Variants in FOXJ3 observed in about 807,000 individuals in gnomAD.
FOXJ3 encodes the protein forkhead box J3, also known as forkhead box protein J3.
In FOXJ3, 22 loss-of-function variants were observed where a neutral mutation model predicts 76.1. The ratio of observed to expected loss-of-function variants is 0.29; its 90% confidence interval spans 0.21 to 0.41. The LOEUF (loss-of-function observed/expected upper bound fraction) is 0.41. Ranked by LOEUF, FOXJ3 falls within the 10% of genes least tolerant of loss-of-function variation. The pLI, the probability that FOXJ3 is intolerant of heterozygous loss-of-function variation, is 1.00. For synonymous variants in FOXJ3, 269 were observed against 261.2 expected (o/e 1.03, Z -0.29); for missense variants, 613 against 762.1 (o/e 0.80, Z 2.30).
chr1:42,237,625 C>A (rs1370590754), intron 4 of FOXJ3, among the ~76,000 whole-genome samples: 1 of 151,468 alleles, frequency 6.6e-6, no homozygotes, highest in Admixed American at 6.6e-5. Context: ...AAAAGCTTTT[C>A]ATTCAATAAA....
In FOXJ3 at chr1:42,179,425, G is replaced by A. The variant is rs1646274065; in HGVS notation, c.*285C>T. 1 of 211,184 alleles carries A rather than the reference G, an allele frequency of 4.7e-6. No individual in the cohort carries two copies. Among genetic ancestry groups the A allele is most frequent in the Non-Finnish European group, 9.4e-6 (1 of 105,898 alleles). The allele number at this position is 211,184 out of a possible 1,614,324, so 13.1% of individuals were successfully genotyped here. ...TCTGAAAAATCAGTCTGGCACTTGT[G>A]GTTAACATCAAACTGACACAAATAT... On this transcript the variant is annotated 3_prime_UTR_variant, in exon 13 of 13. Transcript: ENST00000361346.
intron 2 of FOXJ3, among the ~76,000 whole-genome samples, chr1:42,298,534 G>A (rs1352333040): frequency 6.6e-6 from 1 of 151,986 alleles, no homozygotes; most frequent in East Asian, 1.9e-4. Context: ...TATCATTTCT[G>A]CTTATATTTA....
At chr1:42,301,383 T>C (rs1383846272) in intron 2 of FOXJ3, among the ~76,000 whole-genome samples, 1 of 151,968 alleles carries the variant, frequency 6.6e-6, no homozygotes, top group Non-Finnish European at 1.5e-5. Flanking sequence ...GTATTTTTAG[T>C]AGAGATGGGG....
chr1:42,210,524 A>G (rs1037001076), intron 5 of FOXJ3, among the ~76,000 whole-genome samples: 1 of 152,124 alleles, frequency 6.6e-6, no homozygotes, highest in Admixed American at 6.5e-5. Context: ...CACCACTCTG[A>G]GGAAGGAGAA....
intron 4 of FOXJ3, among the ~76,000 whole-genome samples, chr1:42,228,522 T>C (rs939251942): frequency 1.4e-5 from 2 of 144,416 alleles, no homozygotes; most frequent in Admixed American, 7.3e-5. Context: ...AAAATATGTA[T>C]GGAGCACCTA....
intron 5 of FOXJ3, among the ~76,000 whole-genome samples, chr1:42,216,774 T>C (rs1276116904): frequency 6.6e-6 from 1 of 151,602 alleles, no homozygotes; most frequent in Non-Finnish European, 1.5e-5. Context: ...TATAAATAAA[T>C]AAATAGGAAT....
chr1:42,203,350 T>A (rs1350751047), intron 6 of FOXJ3, among the ~76,000 whole-genome samples: 5 of 152,232 alleles, frequency 3.3e-5, no homozygotes, highest in Non-Finnish European at 7.4e-5. Flanking sequence ...GACTGAATGC[T>A]GCACCCTATA....
In FOXJ3 at chr1:42,251,805, G is replaced by A. The variant is rs182169514; in HGVS notation, c.444+13310C>T. Among the ~76,000 whole-genome samples, 17 of 141,404 alleles carry A rather than the reference G, an allele frequency of 1.2e-4. No individual in the cohort carries two copies. In the South Asian group the frequency reaches 1.7e-3, roughly 14 times the overall value. 92.8% of individuals were successfully genotyped at this position (141,404 alleles called of 152,430 possible). A position where few individuals can be genotyped will look rare whatever the true frequency, so the allele number is the denominator to read the frequency against. ...GCGATCTCGACTCACTGCAAGCTCC[G>A]CCTCCCGGGTTCATGCCATTCTCCT... is the stretch of plus-strand genomic sequence containing the variant. On this transcript the variant is annotated intron_variant, in intron 4 of 12. Transcript: ENST00000361346.
At position 42,178,361 on chromosome 1, in the gene FOXJ3, C is replaced by G. The variant is rs138226748; in HGVS notation, c.*1349G>C. ...ATCTGATTCAAATTCCAGAAAAATC[C>G]GATTTAACTAATAAGTCTGAATCAG... On this transcript the variant is annotated 3_prime_UTR_variant, in exon 13 of 13. Coordinates refer to ENST00000361346, the MANE Select transcript of FOXJ3 (RefSeq NM_014947.5). 1.3e-5 allele frequency: 2 copies of G among 152,148 alleles called. No homozygotes were observed. The highest frequency in any genetic ancestry group is 4.8e-5 in the African/African-American group (2 of 41,420). The allele number at this position is 152,148 out of a possible 1,614,324, so 9.4% of individuals were successfully genotyped here.
chr1:42,215,897 T>C (rs168230), intron 5 of FOXJ3, among the ~76,000 whole-genome samples: 111,333 of 151,958 alleles, frequency 0.73, 40,975 homozygotes, highest in Admixed American at 0.81. Context: ...GTGGCTCACA[T>C]ACCTAGCACT....
intron 4 of FOXJ3, among the ~76,000 whole-genome samples, chr1:42,255,389 C>G (rs1650501309): frequency 6.6e-6 from 1 of 152,070 alleles, no homozygotes; most frequent in South Asian, 2.1e-4. Flanking sequence ...AAGAAGTCAA[C>G]AGACGAAATA....
rs1367040325 is a variant in FOXJ3 at position 42,246,352 on chromosome 1, TA to T, written c.445-18387del. Among the ~76,000 whole-genome samples the T allele has an allele frequency of 3.3e-5, 5 of 151,684 alleles. No homozygotes were observed. The East Asian group carries it at 9.7e-4, about 29-fold the overall frequency. ...CACATACACACACACACGTACCCAT[TA>T]AAAAGTGGGCAAAAAAACATGAATG... On this transcript the variant is annotated intron_variant, in intron 4 of 12. Transcript: ENST00000361346.
At chr1:42,211,574 C>T (rs777987964) in intron 5 of FOXJ3, among the ~76,000 whole-genome samples, 1 of 152,014 alleles carries the variant, frequency 6.6e-6, no homozygotes, top group Admixed American at 6.6e-5. Context: ...TTGGCCATAC[C>T]TGTGGATACC....
At chr1:42,212,372 G>C (rs926079149) in intron 5 of FOXJ3, among the ~76,000 whole-genome samples, 2 of 152,128 alleles carry the variant, frequency 1.3e-5, no homozygotes, top group Non-Finnish European at 2.9e-5. Flanking sequence ...AAAGAGACAA[G>C]TATTTTAAAG....
chr1:42,239,670 A>G (rs981861530), intron 4 of FOXJ3, among the ~76,000 whole-genome samples: 1 of 152,220 alleles, frequency 6.6e-6, no homozygotes, highest in Admixed American at 6.5e-5. Context: ...ATTCTAGAGT[A>G]TTATTACTCT....
At chr1:42,288,905 C>T (rs1456886033) in intron 2 of FOXJ3, among the ~76,000 whole-genome samples, 1 of 152,114 alleles carries the variant, frequency 6.6e-6, no homozygotes, top group Non-Finnish European at 1.5e-5. Context: ...TTACATAAAA[C>T]TTGTTATCTA....
intron 5 of FOXJ3, among the ~76,000 whole-genome samples, chr1:42,221,993 GGGAGGGGGAGGAGGA>G (rs1647200622): frequency 1.4e-4 from 1 of 7,000 alleles, no homozygotes; most frequent in Non-Finnish European, 3.1e-4. Context: ...GAGGGGGAGG[GGGAGGGGGAGGAGGA>G]GGAGAAGGAG....
At chr1:42,301,529 T>C (rs764188767) in intron 2 of FOXJ3, among the ~76,000 whole-genome samples, 1 of 152,184 alleles carries the variant, frequency 6.6e-6, no homozygotes, top group Non-Finnish European at 1.5e-5. Context: ...CTTCTTTTTT[T>C]CTTTAAATTC....
chr1:42,220,595 G>A (rs1647162694), intron 5 of FOXJ3, among the ~76,000 whole-genome samples: 1 of 152,160 alleles, frequency 6.6e-6, no homozygotes, highest in Non-Finnish European at 1.5e-5. Flanking sequence ...AGCCAAAGGT[G>A]CTGAAAAGCT....
Sources: allele counts gnomAD v4.1 joint callset (sites outside exome capture counted in the v4.1 genomes callset), GRCh38; gene constraint gnomAD v4.1.1; transcripts MANE v1.5; gene names NCBI Gene and HGNC (gene_info 2026-07-23, HGNC 2026-07-21).